The following PRICKLE3 variants were observed in gnomAD, a reference collection of about 807,000 sequenced individuals.
PRICKLE3 encodes prickle planar cell polarity protein 3.
A neutral mutation model predicts 33.8 loss-of-function variants in PRICKLE3; 17 were observed. That is an observed-to-expected ratio of 0.50 (90% CI 0.34 to 0.75). The LOEUF (loss-of-function observed/expected upper bound fraction) is 0.75. Among genes scored for constraint, PRICKLE3 ranks in the 30% least tolerant of loss-of-function variants. The pLI is 0.01. For missense variants in PRICKLE3, 573 were observed against 576.7 expected, an observed-to-expected ratio of 0.99 and a Z score of 0.07; for synonymous variants, 211 against 219.6, an observed-to-expected ratio of 0.96 and a Z score of 0.34.
rs1338044507 is a variant in PRICKLE3 at position 49,178,387 on chromosome X, C to T, written c.653G>A (p.Cys218Tyr). Reference sequence around the variant, plus strand: ...AACCAGCAGTTCCTGGCACGTGGTACACACGAAGCACTGTGGGTGCCAGCA... The same window carrying T: ...AACCAGCAGTTCCTGGCACGTGGTATACACGAAGCACTGTGGGTGCCAGCA... Reference protein sequence around the residue: ...GACWHPQCFVCTTCQELLVDL... With the variant: ...GACWHPQCFVYTTCQELLVDL... The change falls in exon 6 of 9, where the codon TGT (cysteine) becomes TAT (tyrosine). Residue 218 changes from cysteine to tyrosine, a missense_variant. Transcript: ENST00000599218. 2.5e-6 allele frequency: 3 copies of T among 1,210,382 alleles called. No individual in the cohort carries two copies. The highest frequency in any genetic ancestry group is 3.4e-6 in the Non-Finnish European group (3 of 894,930).
chrX:49,180,035 CT>C (rs150588040), intron 3 of PRICKLE3, among the ~76,000 whole-genome samples: 1,660 of 54,302 alleles, frequency 0.031, 40 homozygotes, highest in African/African-American at 0.12. Context: ...TGCTGATCAC[CT>C]TTTTTTTTTT....
At position 49,175,412 on chromosome X, in the gene PRICKLE3, TTGGGAGGCTGAGG is replaced by T. The variant is rs1557099729; in HGVS notation, c.*248_*260del. 1 of 336,239 alleles carries T rather than the reference TTGGGAGGCTGAGG, an allele frequency of 3.0e-6. No individual in the cohort carries two copies. The highest frequency in any genetic ancestry group is 4.8e-5 in the East Asian group (1 of 20,743). The allele number at this position is 336,239 out of a possible 1,213,427, so 27.7% of individuals were successfully genotyped here. ...GACACGAGCCTGGAGTCCCAGCTAC[TTGGGAGGCTGAGG>T]TGGGAGGATAGCTTGAGCCCAAAAC... On this transcript the variant is annotated 3_prime_UTR_variant, in exon 9 of 9. Coordinates refer to ENST00000599218, the MANE Select transcript of PRICKLE3 (RefSeq NM_006150.5).
intron 2 of PRICKLE3, 68 bp from the exon 3 acceptor site, chrX:49,183,985 C>T: frequency 8.9e-7 from 1 of 1,125,895 alleles, no homozygotes; most frequent in Non-Finnish European, 1.2e-6. Flanking sequence ...CAGCCCAGGT[C>T]CAATGGAGGA....
chrX:49,181,685 T>G (rs993401073), intron 3 of PRICKLE3, among the ~76,000 whole-genome samples: 12 of 100,592 alleles, frequency 1.2e-4, no homozygotes, highest in African/African-American at 4.4e-4. Flanking sequence ...TTGCTCTTGT[T>G]GCCCAGGCTG....
intron 1 of PRICKLE3, 145 bp from the exon 2 acceptor site, chrX:49,184,855 G>A (rs1161621378): frequency 3.5e-6 from 4 of 1,157,933 alleles, no homozygotes; most frequent in Non-Finnish European, 4.6e-6. Context: ...CTGGGACAGC[G>A]CCCAGAGTGC....
intron 3 of PRICKLE3, among the ~76,000 whole-genome samples, chrX:49,180,961 C>T (rs1320576666): frequency 9.1e-6 from 1 of 110,448 alleles, no homozygotes; most frequent in Non-Finnish European, 1.9e-5. Context: ...ATGCTCTTAC[C>T]CCTCAAACTG....
At chrX:49,177,324 T>C in intron 7 of PRICKLE3, 122 bp from the exon 8 acceptor site, 1 of 735,416 alleles carries the variant, frequency 1.4e-6, no homozygotes, top group Non-Finnish European at 1.9e-6. Context: ...CCTGGGTGCC[T>C]TCCTCCCTCC....
At chrX:49,180,035 C>CTTTTT (rs150588040) in intron 3 of PRICKLE3, among the ~76,000 whole-genome samples, 5 of 54,390 alleles carry the variant, frequency 9.2e-5, no homozygotes, top group Non-Finnish European at 1.2e-4. Flanking sequence ...TGCTGATCAC[C>CTTTTT]TTTTTTTTTT....
Position 49,179,380 on chromosome X carries a change from G to A in PRICKLE3, c.435C>T (p.Tyr145=). The part of the protein sequence containing the change: ...QLPPHDSEAQ[Y]CTALEEEEKK... Reference sequence around the variant, plus strand: ...TTTCCTCCTCTTCCAGTGCTGTGCAGTACTGTGCCTGGGAGGAGAAGGCAT... The same window carrying A: ...TTTCCTCCTCTTCCAGTGCTGTGCAATACTGTGCCTGGGAGGAGAAGGCAT... Residue 145 remains tyrosine, a synonymous_variant, in exon 5 of 9, where the codon TAC becomes TAT. Transcript: ENST00000599218. 3.3e-6 allele frequency: 4 copies of A among 1,209,439 alleles called. No homozygotes were observed. The highest frequency in any genetic ancestry group is 4.5e-6 in the Non-Finnish European group (4 of 893,962).
At chrX:49,183,211 G>C (rs1350720944) in intron 3 of PRICKLE3, among the ~76,000 whole-genome samples, 1 of 111,945 alleles carries the variant, frequency 8.9e-6, no homozygotes, top group Non-Finnish European at 1.9e-5. Context: ...CCATAACTAT[G>C]TGTTGAATGA....
Position 49,175,033 on chromosome X carries a change from G to C in PRICKLE3, c.*640C>G. ...GGGACCCACTCCAAATAATCTCCTC[G>C]GTGTGGGTGGTGGTTCTATAGAGGG... On this transcript the variant is annotated 3_prime_UTR_variant, in exon 9 of 9. Transcript: ENST00000599218. 2.6e-6 allele frequency: 1 copy of C among 379,464 alleles called. No homozygotes were observed. Among genetic ancestry groups the C allele is most frequent in the South Asian group, 4.5e-5 (1 of 22,178 alleles). The allele number at this position is 379,464 out of a possible 1,213,427, so 31.3% of individuals were successfully genotyped here.
Position 49,176,258 on chromosome X carries a change from G to T in PRICKLE3, c.1263C>A (p.Gly421=), listed in dbSNP as rs1557100033. The change falls in exon 9 of 9, where the codon GGC becomes GGA. Residue 421 remains glycine, a synonymous_variant. Coordinates refer to ENST00000599218, the MANE Select transcript of PRICKLE3 (RefSeq NM_006150.5). ...GTSTELAPAT[G]PEEPSRFLRG... is the part of the protein sequence containing the mutation. ...TCAGAAAGCGGGAGGGCTCCTCAGGGCCTGTAGCTGTTAAGGGGGAGACAG... is the reference window on the plus strand; with the variant it reads ...TCAGAAAGCGGGAGGGCTCCTCAGGTCCTGTAGCTGTTAAGGGGGAGACAG... 1 of 1,136,210 alleles carries T rather than the reference G, an allele frequency of 8.8e-7. No individual in the cohort carries two copies. Among genetic ancestry groups the T allele is most frequent in the Non-Finnish European group, 1.2e-6 (1 of 857,666 alleles). 93.6% of individuals were successfully genotyped at this position (1,136,210 alleles called of 1,213,427 possible). A position where few individuals can be genotyped will look rare whatever the true frequency, so the allele number is the denominator to read the frequency against.
intron 8 of PRICKLE3, among the ~76,000 whole-genome samples, 185 bp downstream of exon 8, chrX:49,176,718 T>A (rs1374492451): frequency 9.4e-6 from 1 of 105,981 alleles, no homozygotes; most frequent in Admixed American, 1.0e-4. Context: ...GCGGGTGTAG[T>A]TTGGGATGGA....
At position 49,176,273 on chromosome X, in the gene PRICKLE3, G is replaced by C; in HGVS notation, c.1256-8C>G. 1 of 1,116,597 alleles carries C rather than the reference G, an allele frequency of 9.0e-7. No individual in the cohort carries two copies. The highest frequency in any genetic ancestry group is 2.2e-5 in the South Asian group (1 of 45,394). The allele number at this position is 1,116,597 out of a possible 1,213,427, so 92.0% of individuals were successfully genotyped here. On this transcript the variant is annotated splice_region_variant and splice_polypyrimidine_tract_variant and intron_variant, in intron 8 of 8. Transcript: ENST00000599218. Reference sequence around the variant, plus strand: ...GCTCCTCAGGGCCTGTAGCTGTTAAGGGGGAGACAGAGTGACTCCTTGTAT... The same window carrying C: ...GCTCCTCAGGGCCTGTAGCTGTTAACGGGGAGACAGAGTGACTCCTTGTAT...
In PRICKLE3 at chrX:49,183,895, A is replaced by G. The variant is rs200645784; in HGVS notation, c.151T>C (p.Cys51Arg). 16 of 1,206,910 alleles carry G rather than the reference A, an allele frequency of 1.3e-5. No homozygotes were observed. The highest frequency in any genetic ancestry group is 2.2e-5 in the Admixed American group (1 of 45,848). The change falls in exon 3 of 9, where the codon TGC becomes CGC. Residue 51 changes from cysteine to arginine, a missense_variant. Physicochemically the swap from Cys to Arg is radical, Grantham distance 180 (BLOSUM62 -3). Transcript: ENST00000599218. Reference protein sequence around the residue: ...GWRKICQHCKCPREEHAVHAV... With the variant: ...GWRKICQHCKRPREEHAVHAV... ...TGCACTGCATGCTCCTCCCGCGGGC[A>G]TTTGCAATGCTGGCAGATCTTTCTG...
rs371317848 is a variant in PRICKLE3, at chrX:49,177,988, C to A, written c.955+5G>T. 1.8e-6 allele frequency: 2 copies of A among 1,142,014 alleles called. No homozygotes were observed. Among genetic ancestry groups the A allele is most frequent in the African/African-American group, 3.6e-5 (2 of 54,881 alleles). The allele number at this position is 1,142,014 out of a possible 1,213,427, so 94.1% of individuals were successfully genotyped here. On this transcript the variant is annotated splice_donor_5th_base_variant and intron_variant, in intron 7 of 8. Transcript: ENST00000599218. The stretch of plus-strand genomic sequence containing the variant: ...CCTCTGTCCAGTCCCACAGCATTCA[C>A]CCACCGATGTGCTCCCCACAGCCAT...
chrX:49,177,412 C>T (rs2065425324), intron 7 of PRICKLE3, among the ~76,000 whole-genome samples: 1 of 112,683 alleles, frequency 8.9e-6, no homozygotes, highest in Non-Finnish European at 1.9e-5. Context: ...GAACCTCTCT[C>T]TCACTCCTCC....
intron 3 of PRICKLE3, among the ~76,000 whole-genome samples, chrX:49,183,233 A>C: frequency 9.0e-6 from 1 of 111,642 alleles, no homozygotes; most frequent in Admixed American, 9.5e-5. Context: ...TCAATCAATG[A>C]AGTCATGTGG....
At position 49,175,388 on chromosome X, in the gene PRICKLE3, AC is replaced by A. The variant is rs1181094418; in HGVS notation, c.*284del. The A allele has an allele frequency of 5.6e-5, 17 of 304,124 alleles. No individual in the cohort carries two copies. The highest frequency in any genetic ancestry group is 9.7e-5 in the Non-Finnish European group (17 of 176,009). The allele number at this position is 304,124 out of a possible 1,213,427, so 25.1% of individuals were successfully genotyped here. ...ATTAAAAAATTAGCTGGGAACGCTG[AC>A]ACGAGCCTGGAGTCCCAGCTACTTG... On this transcript the variant is annotated 3_prime_UTR_variant, in exon 9 of 9. Transcript: ENST00000599218.
Sources: allele counts gnomAD v4.1 joint callset (sites outside exome capture counted in the v4.1 genomes callset), GRCh38; gene constraint gnomAD v4.1.1; transcripts MANE v1.5; gene names NCBI Gene and HGNC (gene_info 2026-07-23, HGNC 2026-07-21).